Variants in STC2 observed in about 807,000 individuals in gnomAD.
STC2 encodes the protein stanniocalcin-2.
A neutral mutation model predicts 22.7 loss-of-function variants in STC2; 7 were observed. The ratio of observed to expected loss-of-function variants is 0.31; its 90% CI spans 0.18 to 0.58. STC2 has a LOEUF of 0.58. STC2 is among the 20% of genes least tolerant of loss of function. STC2 has a pLI of 0.89. For missense variants in STC2, 336 were observed against 406.2 expected, an observed-to-expected ratio of 0.83 and a Z score of 1.48; for synonymous variants, 158 against 163.4, an observed-to-expected ratio of 0.97 and a Z score of 0.25.
At position 173,323,965 on chromosome 5, in the gene STC2, C is replaced by T. The variant is rs1381286359; in HGVS notation, c.295-535G>A. On this transcript the variant is annotated intron_variant, in intron 2 of 3. Coordinates refer to ENST00000265087, the MANE Select transcript of STC2 (RefSeq NM_003714.3). This position sits in a 1 kb window ranked among gnomAD's most constrained non-coding sequence, Gnocchi z 5.4. ...ACCTCCCTTTCTGCCTCCGTGCCTC[C>T]CACGCCCCAAATCCATACCCTTGTC... 1.8e-5 allele frequency: 3 copies of T among 168,836 alleles called. No homozygotes were observed. The highest frequency in any genetic ancestry group is 3.9e-5 in the Non-Finnish European group (3 of 77,520). 10.5% of individuals were successfully genotyped at this position (168,836 alleles called of 1,614,324 possible).
Position 173,316,515 on chromosome 5 carries a change from T to C in STC2, c.*1332A>G, listed in dbSNP as rs1269662685. 1 of 152,080 alleles carries C rather than the reference T, an allele frequency of 6.6e-6. No homozygotes were observed. Among genetic ancestry groups the C allele is most frequent in the Non-Finnish European group, 1.5e-5 (1 of 68,020 alleles). The allele number at this position is 152,080 out of a possible 1,614,324, so 9.4% of individuals were successfully genotyped here. A position where few individuals can be genotyped will look rare whatever the true frequency, so the allele number is the denominator to read the frequency against. Reference sequence around the variant, plus strand: ...CCAAGAAACCCACTGCTGAGACTTTTAATGAAAATCCTCACTCTCCTTTCC... The same window carrying C: ...CCAAGAAACCCACTGCTGAGACTTTCAATGAAAATCCTCACTCTCCTTTCC... On this transcript the variant is annotated 3_prime_UTR_variant, in exon 4 of 4. Transcript: ENST00000265087.
chr5:173,322,254 T>G (rs1300177592), intron 3 of STC2, among the ~76,000 whole-genome samples: 1 of 152,160 alleles, frequency 6.6e-6, no homozygotes, highest in African/African-American at 2.4e-5. Context: ...CTAGTGGCTT[T>G]CTTTCTGCCC....
Position 173,325,695 on chromosome 5 carries a change from T to C in STC2, c.294+173A>G, listed in dbSNP as rs183120290. ...ACCCTGCCTGTGTAGACACAGCTTA[T>C]GAGTGCAGAAGGGAGACACTGGCAT... On this transcript the variant is annotated intron_variant, in intron 2 of 3. Transcript: ENST00000265087. This position sits in a 1 kb window ranked among gnomAD's most constrained non-coding sequence, Gnocchi z 4.7. 4.9e-3 allele frequency: 4,176 copies of C among 852,632 alleles called. 21 individuals carry two copies. Among genetic ancestry groups the C allele is most frequent in the Non-Finnish European group, 6.5e-3 (3,532 of 540,264 alleles). The allele number at this position is 852,632 out of a possible 1,614,324, so 52.8% of individuals were successfully genotyped here.
Position 173,318,094 on chromosome 5 carries a change from G to A in STC2, c.662C>T (p.Ala221Val), listed in dbSNP as rs775172802. Residue 221 changes from alanine to valine, a missense_variant, in exon 4 of 4, where the codon GCG becomes GTG. Coordinates refer to ENST00000265087, the MANE Select transcript of STC2 (RefSeq NM_003714.3). ...CACCTGGGGCTGGCGCTCGGGGGGC[G>A]CCGTGGGAGGCTTCTGGATGGCCGA... ...CTSAIQKPPT[A>V]PPERQPQVDR... is the part of the protein sequence containing the mutation. 26 of 1,607,244 alleles carry A rather than the reference G, an allele frequency of 1.6e-5. No individual in the cohort carries two copies. Among genetic ancestry groups the A allele is most frequent in the Non-Finnish European group, 2.2e-5 (26 of 1,177,790 alleles).
chr5:173,324,094 G>T (rs1471719121), intron 2 of STC2: 1 of 152,570 alleles, frequency 6.6e-6, no homozygotes, highest in East Asian at 1.9e-4. Context: ...CTGGCACCCT[G>T]CCTGGCAGCA....
intron 3 of STC2, among the ~76,000 whole-genome samples, chr5:173,322,812 CT>C (rs1319651846): frequency 1.3e-5 from 2 of 152,194 alleles, no homozygotes; most frequent in African/African-American, 4.8e-5. Context: ...ACAAGGAGCC[CT>C]TAGCCCAGTG....
At chr5:173,324,550 C>A (rs948356694) in intron 2 of STC2, among the ~76,000 whole-genome samples, 1 of 152,228 alleles carries the variant, frequency 6.6e-6, no homozygotes, top group Non-Finnish European at 1.5e-5. Context: ...GCCCGCATGG[C>A]CTCCCCGTGG....
intron 3 of STC2, 83 bp from the exon 4 acceptor site, chr5:173,318,332 C>A (rs1238916526): frequency 7.7e-7 from 1 of 1,305,086 alleles, no homozygotes; most frequent in Non-Finnish European, 9.8e-7. Context: ...GAATGGACCA[C>A]AGAGGGCAGG....
chr5:173,328,231 C>A lies in STC2; in HGVS notation c.-38G>T. The A allele has an allele frequency of 7.1e-7, 1 of 1,414,778 alleles. No homozygotes were observed. The highest frequency in any genetic ancestry group is 9.3e-7 in the Non-Finnish European group (1 of 1,075,242). The allele number at this position is 1,414,778 out of a possible 1,614,324, so 87.6% of individuals were successfully genotyped here. A position where few individuals can be genotyped will look rare whatever the true frequency, so the allele number is the denominator to read the frequency against. On this transcript the variant is annotated 5_prime_UTR_variant, in exon 1 of 4. Coordinates refer to ENST00000265087, the MANE Select transcript of STC2 (RefSeq NM_003714.3). ...TAACCTCCCGTCGGGAGACCTGGAT[C>A]CTTTGTGCTCCCCTCTTCCTCCTCC...
In STC2 at chr5:173,317,379, T is replaced by G. The variant is rs572198913; in HGVS notation, c.*468A>C. 6.5e-6 allele frequency: 1 copy of G among 153,244 alleles called. No individual in the cohort carries two copies. Among genetic ancestry groups the G allele is most frequent in the East Asian group, 1.9e-4 (1 of 5,202 alleles). 9.5% of individuals were successfully genotyped at this position (153,244 alleles called of 1,614,324 possible). A position where few individuals can be genotyped will look rare whatever the true frequency, so the allele number is the denominator to read the frequency against. On this transcript the variant is annotated 3_prime_UTR_variant, in exon 4 of 4. Transcript: ENST00000265087. Reference sequence around the variant, plus strand: ...TCTCCTGCATTCTAAGCGATATTTATTTTTACATTCACTCCTGTCCTGGAA... The same window carrying G: ...TCTCCTGCATTCTAAGCGATATTTAGTTTTACATTCACTCCTGTCCTGGAA...
intron 1 of STC2, 119 bp downstream of exon 1, chr5:173,327,924 C>T: frequency 1.5e-6 from 2 of 1,316,538 alleles, no homozygotes; most frequent in Non-Finnish European, 2.0e-6. Flanking sequence ...CGTGCCATCC[C>T]AAGAGTTTGC....
intron 1 of STC2, 50 bp from the exon 2 acceptor site, chr5:173,326,060 G>A (rs1311549524): frequency 6.3e-7 from 1 of 1,596,906 alleles, no homozygotes; most frequent in South Asian, 1.1e-5. Flanking sequence ...ACCCATGCTG[G>A]GCAATGCAGA....
In STC2 at chr5:173,317,936, C is replaced by T. The variant is rs768635319; in HGVS notation, c.820G>A (p.Gly274Ser). The change falls in exon 4 of 4, where the codon GGC becomes AGC. Residue 274 changes from glycine to serine, a missense_variant. Gly to Ser is a moderately conservative substitution (Grantham distance 56). Transcript: ENST00000265087. ...SKSHPNAHAR[G>S]RVGGLGAQGP... The stretch of plus-strand genomic sequence containing the variant: ...TGAGCCCCAAGGCCCCCGACTCTGC[C>T]TCGGGCATGGGCGTTTGGGTGGCTC... 19 of 1,613,400 alleles carry T rather than the reference C, an allele frequency of 1.2e-5. No homozygotes were observed. The highest frequency in any genetic ancestry group is 1.6e-5 in the Non-Finnish European group (19 of 1,179,862).
rs1762403472 is a variant in STC2 at position 173,315,007 on chromosome 5, A to C, written c.*2840T>G. 6.6e-6 allele frequency: 1 copy of C among 152,112 alleles called. No individual in the cohort carries two copies. The highest frequency in any genetic ancestry group is 1.5e-5 in the Non-Finnish European group (1 of 68,014). The allele number at this position is 152,112 out of a possible 1,614,324, so 9.4% of individuals were successfully genotyped here. ...CTGGCCTGGTGTTTTCTATTTATTT[A>C]GTTTTAGATGTCAGCATTTTACTAT... On this transcript the variant is annotated 3_prime_UTR_variant, in exon 4 of 4. Transcript: ENST00000265087.
At chr5:173,320,504 G>C (rs1461901003) in intron 3 of STC2, among the ~76,000 whole-genome samples, 2 of 152,306 alleles carry the variant, frequency 1.3e-5, no homozygotes, top group South Asian at 4.1e-4. Flanking sequence ...GTGTCAGCAA[G>C]CCTAAAGGAT....
At chr5:173,320,659 C>G (rs748585107) in intron 3 of STC2, among the ~76,000 whole-genome samples, 1 of 135,478 alleles carries the variant, frequency 7.4e-6, no homozygotes, top group African/African-American at 2.9e-5. Context: ...GTGAGGGGAG[C>G]GGAGAGGAAG....
At position 173,325,736 on chromosome 5, in the gene STC2, G is replaced by C. The variant is rs953005132; in HGVS notation, c.294+132C>G. 1.6e-6 allele frequency: 2 copies of C among 1,248,550 alleles called. No homozygotes were observed. The highest frequency in any genetic ancestry group is 2.3e-6 in the Non-Finnish European group (2 of 875,948). 77.3% of individuals were successfully genotyped at this position (1,248,550 alleles called of 1,614,324 possible). The stretch of plus-strand genomic sequence containing the variant: ...ACACTGGCATAATGTTTTATACCTA[G>C]ACTGTCGCTTGCAAGCACTAAAACA... On this transcript the variant is annotated intron_variant, in intron 2 of 3. Transcript: ENST00000265087. The surrounding 1 kb of genome is among the most constrained non-coding windows in gnomAD (Gnocchi z 4.7).
chr5:173,323,609 G>A lies in STC2; in HGVS notation c.295-179C>T, dbSNP rs1046803451. Among the ~76,000 whole-genome samples, 3 of 152,114 alleles carry A rather than the reference G, an allele frequency of 2.0e-5. No homozygotes were observed. Among genetic ancestry groups the A allele is most frequent in the African/African-American group, 7.2e-5 (3 of 41,418 alleles). On this transcript the variant is annotated intron_variant, in intron 2 of 3. Transcript: ENST00000265087. The surrounding 1 kb of genome is among the most constrained non-coding windows in gnomAD (Gnocchi z 5.4). ...CAGGCAATGCGACATCCGGAGGCAC[G>A]TCCAGAGTGACATGACACCCCCAGC...
At position 173,323,286 on chromosome 5, in the gene STC2, C is replaced by T. The variant is rs372250146; in HGVS notation, c.439G>A (p.Ala147Thr). 4.0e-5 allele frequency: 64 copies of T among 1,614,040 alleles called. No homozygotes were observed. Among genetic ancestry groups the T allele is most frequent in the Middle Eastern group, 1.6e-4 (1 of 6,084 alleles). The change falls in exon 3 of 4, where the codon GCG becomes ACG. Residue 147 changes from alanine to threonine, a missense_variant. This residue lies in a region of STC2 where 215 missense variants were observed against 231.5 expected (regional missense o/e 0.93). Transcript: ENST00000265087. The surrounding 1 kb of genome is among the most constrained non-coding windows in gnomAD (Gnocchi z 5.4). ...ACCCGGGTGTTCTCCTGGGCAGCCG[C>T]GCACAGGTCGTGCTTGAGGTAGCAT... ...RECYLKHDLC[A>T]AAQENTRVIV...
Sources: allele counts gnomAD v4.1 joint callset (sites outside exome capture counted in the v4.1 genomes callset), GRCh38; gene constraint gnomAD v4.1.1; regional missense constraint gnomAD v4.1.1; non-coding constraint Gnocchi (gnomAD v3.1); transcripts MANE v1.5; gene names NCBI Gene and HGNC (gene_info 2026-07-23, HGNC 2026-07-21).